C10orf67: variants seen among roughly 807,000 people sequenced by gnomAD.
C10orf67 encodes chromosome 10 open reading frame 67.
C10orf67 carries 60 observed loss-of-function variants against 35.6 expected under a neutral mutation model. The ratio of observed to expected loss-of-function variants is 1.68; its 90% CI spans 1.37 to 2.09. The LOEUF (loss-of-function observed/expected upper bound fraction) is 2.09, where lower values mean the gene tolerates loss of function less well. Among genes scored for constraint, C10orf67 ranks in the 30% most tolerant of loss-of-function variants. The probability of loss-of-function intolerance (pLI) is 0.00; values close to 1 mark genes in which losing one functional copy is unlikely to be tolerated. For synonymous variants in C10orf67, 167 were observed against 115.8 expected (o/e 1.44, Z -2.84); for missense variants, 474 against 330.2 (o/e 1.44, Z -3.38).
chr10:23,245,918 A>G (rs1158681778), intron 12 of C10orf67, among the ~76,000 whole-genome samples: 2 of 152,236 alleles, frequency 1.3e-5, no homozygotes, highest in Admixed American at 6.5e-5. Flanking sequence ...TCATTGCAGC[A>G]CTGTTCACAA....
Position 23,238,075 on chromosome 10 carries a change from A to G in C10orf67, c.1434+1654T>C, listed in dbSNP as rs551159042. Among the ~76,000 whole-genome samples, 5 of 152,344 alleles carry G rather than the reference A, an allele frequency of 3.3e-5. No homozygotes were observed. In the South Asian group the frequency reaches 1.0e-3, roughly 32 times the overall value. ...CTAAGCTCTGCAAGTAAAATAGTTT[A>G]TAAGATGGACCAGTCTGTCACCTCA... On this transcript the variant is annotated intron_variant, in intron 13 of 15. Transcript: ENST00000636213.
chr10:23,249,152 A>G (rs993071086), intron 12 of C10orf67, among the ~76,000 whole-genome samples: 1 of 149,952 alleles, frequency 6.7e-6, no homozygotes, highest in African/African-American at 2.4e-5. Flanking sequence ...AAAAAAAAAA[A>G]AAAAAAAAGA....
At chr10:23,242,285 TG>T (rs1842204696) in intron 12 of C10orf67, among the ~76,000 whole-genome samples, 1 of 152,074 alleles carries the variant, frequency 6.6e-6, no homozygotes, top group Non-Finnish European at 1.5e-5. Flanking sequence ...CATTATTAAT[TG>T]GCTGAAAAAA....
intron 8 of C10orf67, among the ~76,000 whole-genome samples, chr10:23,277,264 A>T (rs925333639): frequency 6.6e-6 from 1 of 152,148 alleles, no homozygotes; most frequent in Non-Finnish European, 1.5e-5. Context: ...AATTTGCAGA[A>T]ATAAGTGGCT....
chr10:23,316,238 C>T (rs980945768), intron 4 of C10orf67, among the ~76,000 whole-genome samples: 10 of 152,314 alleles, frequency 6.6e-5, no homozygotes, highest in Middle Eastern at 3.4e-3. Flanking sequence ...GCAGGCAGCA[C>T]CAGGTGCTGA....
At chr10:23,250,157 T>C (rs1257656167) in intron 12 of C10orf67, among the ~76,000 whole-genome samples, 2 of 152,192 alleles carry the variant, frequency 1.3e-5, no homozygotes, top group African/African-American at 4.8e-5. Flanking sequence ...AAGGTTTTAA[T>C]AGCCCTATGA....
intron 7 of C10orf67, among the ~76,000 whole-genome samples, chr10:23,288,415 A>G (rs565002581): frequency 1.3e-5 from 2 of 152,330 alleles, no homozygotes; most frequent in African/African-American, 4.8e-5. Flanking sequence ...TAGGAGTTGA[A>G]CATTGAGAAT....
intron 13 of C10orf67, among the ~76,000 whole-genome samples, chr10:23,233,127 A>G (rs1217744388): frequency 6.6e-6 from 1 of 152,224 alleles, no homozygotes; most frequent in African/African-American, 2.4e-5. Flanking sequence ...ACTGCACTCC[A>G]GTCTGGGTGA....
rs557072263 is a variant in C10orf67 at position 23,205,877 on chromosome 10, TA to T, written c.1571-1623del. Among the ~76,000 whole-genome samples, 187 of 152,156 alleles carry T rather than the reference TA, an allele frequency of 1.2e-3. 1 individual carries two copies. The highest frequency in any genetic ancestry group is 4.1e-3 in the African/African-American group (171 of 41,522). ...TAGTTGAAGTAAGTCTCCTAAATAA[TA>T]AAAAAAGGATGTAAATATCCTTAAA... On this transcript the variant is annotated intron_variant, in intron 15 of 15. Coordinates refer to ENST00000636213, the MANE Select transcript of C10orf67 (RefSeq NM_001371909.1).
intron 1 of C10orf67, among the ~76,000 whole-genome samples, chr10:23,341,394 T>A (rs1206798207): frequency 6.6e-6 from 1 of 152,230 alleles, no homozygotes; most frequent in East Asian, 1.9e-4. Flanking sequence ...TTCTACCTGT[T>A]CATCACAGTC....
At chr10:23,272,025 A>T (rs1843040350) in intron 8 of C10orf67, among the ~76,000 whole-genome samples, 1 of 152,070 alleles carries the variant, frequency 6.6e-6, no homozygotes, top group Admixed American at 6.6e-5. Flanking sequence ...CAGGTGATCC[A>T]CCCACCTCAG....
At chr10:23,326,177 A>C (rs1328262678) in intron 2 of C10orf67, among the ~76,000 whole-genome samples, 1 of 152,168 alleles carries the variant, frequency 6.6e-6, no homozygotes, top group East Asian at 1.9e-4. Context: ...TGCAGATTGT[A>C]GATGCTTAAT....
At chr10:23,237,473 T>C (rs565279981) in intron 13 of C10orf67, among the ~76,000 whole-genome samples, 1 of 152,332 alleles carries the variant, frequency 6.6e-6, no homozygotes, top group African/African-American at 2.4e-5. Context: ...AGAATGTTTA[T>C]AGCAGCTTTT....
chr10:23,251,392 C>A (rs530300972), intron 10 of C10orf67, among the ~76,000 whole-genome samples: 15 of 152,300 alleles, frequency 9.8e-5, no homozygotes, highest in African/African-American at 3.6e-4. Context: ...TCATTTCCTC[C>A]TTCTATCAAA....
chr10:23,325,890 A>G (rs1845176391), intron 2 of C10orf67, among the ~76,000 whole-genome samples: 1 of 152,198 alleles, frequency 6.6e-6, no homozygotes, highest in Admixed American at 6.5e-5. Context: ...AAATTCCCAA[A>G]TTGAAAAATA....
intron 12 of C10orf67, among the ~76,000 whole-genome samples, chr10:23,241,398 TG>T (rs1334097459): frequency 6.6e-6 from 1 of 152,198 alleles, no homozygotes; most frequent in Non-Finnish European, 1.5e-5. Flanking sequence ...AGTTTGGACT[TG>T]AGTTGGTGCT....
In C10orf67 at chr10:23,223,605, T is replaced by C. The variant is rs1241008786; in HGVS notation, c.1563A>G (p.Ser521=). The C allele has an allele frequency of 5.6e-6, 4 of 717,336 alleles. No homozygotes were observed. The allele number at this position is 717,336 out of a possible 1,614,324, so 44.4% of individuals were successfully genotyped here. A position where few individuals can be genotyped will look rare whatever the true frequency, so the allele number is the denominator to read the frequency against. Residue 521 remains serine, a synonymous_variant, in exon 15 of 16, where the codon TCA becomes TCG. Coordinates refer to ENST00000636213, the MANE Select transcript of C10orf67 (RefSeq NM_001371909.1). ...VVSDQAALQL[S]PKGKLSESPK... Reference sequence around the variant, plus strand: ...AACAATAATGATTCTTACCTTTTGGTGAAAGTTGAAGGGCTGCCTGATCAC... The same window carrying C: ...AACAATAATGATTCTTACCTTTTGGCGAAAGTTGAAGGGCTGCCTGATCAC...
intron 7 of C10orf67, among the ~76,000 whole-genome samples, chr10:23,286,308 G>A (rs1243424411): frequency 6.9e-6 from 1 of 145,746 alleles, no homozygotes; most frequent in Admixed American, 7.0e-5. Context: ...TGAGATGGGA[G>A]GATCGCTTGA....
chr10:23,294,038 C>T (rs1253064641), intron 5 of C10orf67, among the ~76,000 whole-genome samples: 1 of 152,174 alleles, frequency 6.6e-6, no homozygotes, highest in Non-Finnish European at 1.5e-5. Flanking sequence ...CAGCAGTTTC[C>T]CCTCCACAGG....
Sources: allele counts gnomAD v4.1 joint callset (sites outside exome capture counted in the v4.1 genomes callset), GRCh38; gene constraint gnomAD v4.1.1; transcripts MANE v1.5; gene names NCBI Gene and HGNC (gene_info 2026-07-23, HGNC 2026-07-21).